Variants in ERICH1 observed in about 807,000 individuals in gnomAD.
ERICH1 encodes glutamate rich 1, also known as glutamate-rich protein 1.
ERICH1 carries 56 observed loss-of-function variants against 39.6 expected under a neutral mutation model. The observed-to-expected ratio is 1.41, with a 90% confidence interval of 1.14 to 1.77. ERICH1 has a LOEUF of 1.77. ERICH1 is among the 40% of genes most tolerant of loss of function. ERICH1 has a pLI of 0.00. For missense variants in ERICH1, 826 were observed against 575.4 expected (o/e 1.44, Z -4.45); for synonymous variants, 313 against 223.6 (o/e 1.40, Z -3.57).
At chr8:682,111 G>A (rs1266942063) in intron 3 of ERICH1, among the ~76,000 whole-genome samples, 3 of 151,072 alleles carry the variant, frequency 2.0e-5, no homozygotes, top group Non-Finnish European at 4.4e-5. Context: ...CTGCCCCCGT[G>A]TAAAACCCCA....
chr8:657,695 G>A (rs186357756), intron 3 of ERICH1, among the ~76,000 whole-genome samples: 71 of 151,814 alleles, frequency 4.7e-4, no homozygotes, highest in African/African-American at 1.5e-3. Context: ...CGCCAGGGGC[G>A]CCCTTTTCAT....
intron 2 of ERICH1, among the ~76,000 whole-genome samples, chr8:701,046 G>C (rs898212343): frequency 6.6e-6 from 1 of 152,266 alleles, no homozygotes; most frequent in Non-Finnish European, 1.5e-5. Flanking sequence ...TCATCCACCA[G>C]TGACACAAAT....
chr8:687,967 G>A (rs541104360), intron 3 of ERICH1, among the ~76,000 whole-genome samples: 2 of 148,264 alleles, frequency 1.3e-5, no homozygotes, highest in South Asian at 2.1e-4. Context: ...GCGGCGAGAA[G>A]GCGCCGAGAG....
Position 731,216 on chromosome 8 carries a change from G to A in ERICH1, c.-55C>T. 3 of 1,414,152 alleles carry A rather than the reference G, an allele frequency of 2.1e-6. No individual in the cohort carries two copies. Among genetic ancestry groups the A allele is most frequent in the African/African-American group, 1.5e-5 (1 of 67,076 alleles). The allele number at this position is 1,414,152 out of a possible 1,614,324, so 87.6% of individuals were successfully genotyped here. On this transcript the variant is annotated 5_prime_UTR_variant, in exon 1 of 6. In the 5' UTR this introduces an upstream ATG that the reference lacks. Transcript: ENST00000262109. ...GGCGCGCGGTCCTGAGCTGAGCGCC[G>A]TGCCTTCCGGGTTCCGCCCTCCTGG...
intron 3 of ERICH1, among the ~76,000 whole-genome samples, chr8:620,487 G>T (rs1407196634): frequency 6.6e-6 from 1 of 152,182 alleles, no homozygotes; most frequent in Non-Finnish European, 1.5e-5. Flanking sequence ...GTGTGTCTCT[G>T]TGTGTGTCTG....
chr8:665,074 G>C (rs1204429214), intron 5 of ERICH1, among the ~76,000 whole-genome samples: 1 of 152,242 alleles, frequency 6.6e-6, no homozygotes, highest in Non-Finnish European at 1.5e-5. Flanking sequence ...AAAAAAGCCA[G>C]AAGTGGAGCC....
rs1428817046 is a variant in ERICH1, at chr8:700,193, G to A, written c.170-7581C>T. Among the ~76,000 whole-genome samples, 4 of 109,254 alleles carry A rather than the reference G, an allele frequency of 3.7e-5. 1 individual carries two copies. Among genetic ancestry groups the A allele is most frequent in the African/African-American group, 1.1e-4 (3 of 28,328 alleles). 71.7% of individuals were successfully genotyped at this position (109,254 alleles called of 152,430 possible). On this transcript the variant is annotated intron_variant, in intron 2 of 5. Coordinates refer to ENST00000262109, the MANE Select transcript of ERICH1 (RefSeq NM_207332.3). ...CAGGCCCGCACAGGCCCGCACACGC[G>A]CACAGGCCGGCACAGGCGCACACAC...
At chr8:626,865 G>C (rs1390245337) in intron 3 of ERICH1, 2 of 296,000 alleles carry the variant, frequency 6.8e-6, no homozygotes, top group Non-Finnish European at 1.4e-5. Flanking sequence ...TCCAGGGAGA[G>C]CTAAGGAAAT....
downstream of ERICH1, among the ~76,000 whole-genome samples, chr8:663,996 T>C (rs981212762): frequency 6.6e-6 from 1 of 152,210 alleles, no homozygotes; most frequent in African/African-American, 2.4e-5. Flanking sequence ...CCTGACGTTG[T>C]GATCCGCCTG....
chr8:628,072 T>G (rs556315158), intron 3 of ERICH1, among the ~76,000 whole-genome samples: 78 of 152,254 alleles, frequency 5.1e-4, no homozygotes, highest in Admixed American at 1.8e-3. Flanking sequence ...AATGGCCCTC[T>G]CTCTGACCCT....
chr8:669,604 C>A (rs1802832104), intron 4 of ERICH1, among the ~76,000 whole-genome samples: 1 of 152,128 alleles, frequency 6.6e-6, no homozygotes, highest in African/African-American at 2.4e-5. Flanking sequence ...CCTCCCCTGG[C>A]CCGTCTACAC....
intron 1 of ERICH1, among the ~76,000 whole-genome samples, chr8:724,502 C>T (rs1483314854): frequency 6.6e-6 from 1 of 152,054 alleles, no homozygotes; most frequent in Non-Finnish European, 1.5e-5. Flanking sequence ...CAGGGGCTTC[C>T]GGAGAGGCCG....
At chr8:724,134 A>T (rs1433897874) in intron 1 of ERICH1, among the ~76,000 whole-genome samples, 1 of 152,204 alleles carries the variant, frequency 6.6e-6, no homozygotes, top group Non-Finnish European at 1.5e-5. Flanking sequence ...GCCATGACCG[A>T]TCTGACATGG....
At chr8:690,680 G>A (rs941132059) in intron 3 of ERICH1, among the ~76,000 whole-genome samples, 2 of 152,252 alleles carry the variant, frequency 1.3e-5, no homozygotes, top group Admixed American at 6.5e-5. Flanking sequence ...GGGATGCCCC[G>A]GCGCAGAGCA....
intron 3 of ERICH1, among the ~76,000 whole-genome samples, chr8:679,245 C>T (rs1430455608): frequency 6.8e-6 from 1 of 146,204 alleles, no homozygotes; most frequent in Non-Finnish European, 1.5e-5. Context: ...ACAGCTTCAG[C>T]TCCGACCCCT....
chr8:619,476 G>C (rs1273144641), intron 3 of ERICH1, among the ~76,000 whole-genome samples: 1 of 152,132 alleles, frequency 6.6e-6, no homozygotes, highest in East Asian at 1.9e-4. Flanking sequence ...TTTGAAAATA[G>C]CAGCACAAAG....
At chr8:716,617 T>G (rs948253762) in intron 1 of ERICH1, among the ~76,000 whole-genome samples, 5 of 152,242 alleles carry the variant, frequency 3.3e-5, no homozygotes, top group Non-Finnish European at 7.3e-5. Context: ...TAGTTTACGT[T>G]GTTTAAACTG....
intron 3 of ERICH1, among the ~76,000 whole-genome samples, chr8:638,962 T>G (rs1798683896): frequency 6.6e-6 from 1 of 152,058 alleles, no homozygotes; most frequent in African/African-American, 2.4e-5. Flanking sequence ...CGCCTATCTT[T>G]CCAGGTACAT....
chr8:634,873 C>T (rs1029988379), intron 3 of ERICH1, among the ~76,000 whole-genome samples: 1 of 152,334 alleles, frequency 6.6e-6, no homozygotes, highest in Non-Finnish European at 1.5e-5. Flanking sequence ...TAGCCTCTCT[C>T]CTTCCAGGAA....
Sources: allele counts gnomAD v4.1 joint callset (sites outside exome capture counted in the v4.1 genomes callset), GRCh38; gene constraint gnomAD v4.1.1; transcripts MANE v1.5; gene names NCBI Gene and HGNC (gene_info 2026-07-23, HGNC 2026-07-21).